Variants in HECW2 observed in about 807,000 individuals in gnomAD.
HECW2 encodes the protein E3 ubiquitin-protein ligase HECW2.
A neutral mutation model predicts 175.2 loss-of-function variants in HECW2; 61 were observed. The ratio of observed to expected loss-of-function variants is 0.35; its 90% confidence interval spans 0.28 to 0.43. The LOEUF (loss-of-function observed/expected upper bound fraction) is 0.43, where lower values mean the gene tolerates loss of function less well. HECW2 is among the 20% of genes least tolerant of loss of function. HECW2 has a pLI of 1.00. For synonymous variants in HECW2, 671 were observed against 731.0 expected (o/e 0.92, Z 1.32); for missense variants, 1,524 against 2,000.5 (o/e 0.76, Z 4.54).
intron 1 of HECW2, among the ~76,000 whole-genome samples, chr2:196,539,137 ACT>A (rs752131977): frequency 1.3e-5 from 2 of 152,086 alleles, no homozygotes; most frequent in African/African-American, 2.4e-5. Context: ...TGGTGGAGAA[ACT>A]CTGAGCACTC....
intron 19 of HECW2, among the ~76,000 whole-genome samples, chr2:196,251,365 C>G (rs1688847317): frequency 6.6e-6 from 1 of 152,196 alleles, no homozygotes; most frequent in East Asian, 1.9e-4. Flanking sequence ...CTCTCCTTTT[C>G]AATGACTTTC....
chr2:196,258,237 G>T, intron 17 of HECW2: 1 of 247,894 alleles, frequency 4.0e-6, no homozygotes, highest in Non-Finnish European at 7.9e-6. Flanking sequence ...GCTGACTGTG[G>T]GCCTGAATTT....
chr2:196,225,538 T>TG (rs1559447530), intron 23 of HECW2, among the ~76,000 whole-genome samples: 2 of 152,204 alleles, frequency 1.3e-5, no homozygotes, highest in African/African-American at 4.8e-5. Flanking sequence ...GAATAAATTT[T>TG]GGGGGGTAGA....
At chr2:196,397,069 G>A (rs901855529) in intron 2 of HECW2, among the ~76,000 whole-genome samples, 2 of 152,056 alleles carry the variant, frequency 1.3e-5, no homozygotes, top group Non-Finnish European at 2.9e-5. Context: ...CCGAGATGGC[G>A]CCACTGCACT....
intron 1 of HECW2, among the ~76,000 whole-genome samples, chr2:196,587,796 A>T (rs1345627662): frequency 6.6e-6 from 1 of 152,144 alleles, no homozygotes. Context: ...ACATAAGGGG[A>T]TGTCTGCTGA....
intron 20 of HECW2, among the ~76,000 whole-genome samples, chr2:196,241,554 T>G (rs1006234356): frequency 7.9e-5 from 12 of 152,014 alleles, no homozygotes; most frequent in African/African-American, 2.9e-4. Flanking sequence ...GAAGGGTAAG[T>G]AGGGAATGGA....
chr2:196,212,489 C>T (rs568005841), intron 28 of HECW2, among the ~76,000 whole-genome samples: 28 of 152,212 alleles, frequency 1.8e-4, no homozygotes, highest in African/African-American at 5.5e-4. Context: ...GGATAATGGC[C>T]TCCAGCTCCA....
In HECW2 at chr2:196,229,523, A is replaced by T. The variant is rs570464103; in HGVS notation, c.3765-1269T>A. ...GAGACCCCCGTCTCTACAAAAAATA[A>T]GAAAAAATTAGCCAGGTGTGGTGGC... On this transcript the variant is annotated intron_variant, in intron 21 of 28. Coordinates refer to ENST00000644978, the MANE Select transcript of HECW2 (RefSeq NM_001348768.2). 7.2e-5 allele frequency among the ~76,000 whole-genome samples: 11 copies of T among 152,244 alleles called. No homozygotes were observed. The South Asian group carries it at 2.3e-3, about 32-fold the overall frequency.
At chr2:196,376,500 G>C (rs1361127499) in intron 2 of HECW2, among the ~76,000 whole-genome samples, 1 of 151,744 alleles carries the variant, frequency 6.6e-6, no homozygotes, top group Non-Finnish European at 1.5e-5. Context: ...GCAGTGGTGC[G>C]CACCTGTAAT....
At chr2:196,283,366 G>C (rs1239483400) in intron 14 of HECW2, among the ~76,000 whole-genome samples, 1 of 149,076 alleles carries the variant, frequency 6.7e-6, no homozygotes, top group African/African-American at 2.5e-5. Context: ...TTCTTTATGT[G>C]AGAGAATACA....
chr2:196,591,713 T>C (rs1043835154), intron 1 of HECW2, among the ~76,000 whole-genome samples: 4 of 152,058 alleles, frequency 2.6e-5, no homozygotes, highest in Non-Finnish European at 5.9e-5. Context: ...CTGGCTTCTC[T>C]AGTCTGCTAG....
intron 28 of HECW2, among the ~76,000 whole-genome samples, chr2:196,211,323 A>G (rs1444021563): frequency 2.0e-5 from 3 of 152,202 alleles, no homozygotes; most frequent in Non-Finnish European, 4.4e-5. Context: ...CACAAAGTGA[A>G]TGTACTCTCT....
intron 21 of HECW2, among the ~76,000 whole-genome samples, chr2:196,233,784 C>G (rs1327420495): frequency 6.6e-6 from 1 of 152,152 alleles, no homozygotes; most frequent in Non-Finnish European, 1.5e-5. Flanking sequence ...TAAAGTGTAC[C>G]TTGAAGCTTC....
chr2:196,395,877 G>A (rs1367560210), intron 2 of HECW2, among the ~76,000 whole-genome samples: 3 of 152,024 alleles, frequency 2.0e-5, no homozygotes, highest in Non-Finnish European at 4.4e-5. Flanking sequence ...TTCTACTTCT[G>A]GGTATACACG....
At chr2:196,565,012 G>A (rs13392586) in intron 1 of HECW2, among the ~76,000 whole-genome samples, 7,149 of 149,330 alleles carry the variant, frequency 0.048, 555 homozygotes, top group African/African-American at 0.17. Flanking sequence ...ATAGTTAAAC[G>A]GAGCCTAGCT....
intron 1 of HECW2, among the ~76,000 whole-genome samples, chr2:196,558,732 T>C (rs1689892961): frequency 6.6e-6 from 1 of 152,260 alleles, no homozygotes; most frequent in Admixed American, 6.5e-5. Flanking sequence ...GTTGACAGCA[T>C]TGTGCCTTTG....
At chr2:196,484,616 A>G (rs1028731054) in intron 1 of HECW2, among the ~76,000 whole-genome samples, 1 of 152,164 alleles carries the variant, frequency 6.6e-6, no homozygotes, top group Non-Finnish European at 1.5e-5. Flanking sequence ...AGATAATACC[A>G]TCCCAGGAAT....
chr2:196,237,549 C>T (rs756251144), intron 21 of HECW2, among the ~76,000 whole-genome samples: 3 of 152,262 alleles, frequency 2.0e-5, no homozygotes, highest in African/African-American at 4.8e-5. Context: ...GAGTAGTATT[C>T]CATGGTGTAT....
chr2:196,265,043 T>C (rs10189788), intron 17 of HECW2, among the ~76,000 whole-genome samples: 35,820 of 152,166 alleles, frequency 0.24, 6,271 homozygotes, highest in African/African-American at 0.48. Flanking sequence ...AGCTAAACCT[T>C]GAGCCAGAAG....
Sources: gnomAD v4.1 joint callset for allele counts (sites outside exome capture counted in the v4.1 genomes callset) on GRCh38, gnomAD v4.1.1 for gene constraint, MANE v1.5 for transcripts, NCBI Gene and HGNC (gene_info 2026-07-23, HGNC 2026-07-21) for gene names.